PRKAR1B: variants seen among roughly 807,000 people sequenced by gnomAD.
PRKAR1B encodes the protein cAMP-dependent protein kinase type I-beta regulatory subunit.
PRKAR1B carries 22 observed loss-of-function variants against 46.5 expected under a neutral mutation model. The observed-to-expected ratio is 0.47, with a 90% CI of 0.34 to 0.68. The LOEUF (loss-of-function observed/expected upper bound fraction) is 0.68, where lower values mean the gene tolerates loss of function less well. Among genes scored for constraint, PRKAR1B ranks in the 30% least tolerant of loss-of-function variants. The probability of loss-of-function intolerance (pLI) is 0.01; values close to 1 mark genes in which losing one functional copy is unlikely to be tolerated. For synonymous variants in PRKAR1B, 259 were observed against 217.7 expected (o/e 1.19, Z -1.67); for missense variants, 445 against 535.6 (o/e 0.83, Z 1.67).
chr7:685,298 A>ATG (rs1778982905), intron 2 of PRKAR1B, among the ~76,000 whole-genome samples: 1 of 14,800 alleles, frequency 6.8e-5, no homozygotes, highest in African/African-American at 3.3e-4. Context: ...ATGTATACAT[A>ATG]TATATATACG....
At chr7:677,161 G>T in intron 4 of PRKAR1B, 68 bp downstream of exon 4, 2 of 1,488,062 alleles carry the variant, frequency 1.3e-6, no homozygotes, top group Non-Finnish European at 9.4e-7. Context: ...CAAGTGGCGG[G>T]ACCTGCCCAC....
intron 9 of PRKAR1B, among the ~76,000 whole-genome samples, chr7:571,666 G>A (rs374959157): frequency 6.6e-6 from 1 of 152,342 alleles, no homozygotes. Context: ...CCGGCTCCCG[G>A]GGTCCAGCTG....
intron 9 of PRKAR1B, among the ~76,000 whole-genome samples, chr7:564,338 GGCCAGCCTCAACCTCCGCC>G (rs924203053): frequency 7.9e-5 from 12 of 152,252 alleles, no homozygotes; most frequent in East Asian, 1.9e-4. Flanking sequence ...GTGGCTCCGT[GGCCAGCCTCAACCTCCGCC>G]GCCAGCCTCA....
At chr7:727,368 C>G, upstream of PRKAR1B, 9 of 1,055,602 alleles carry the variant, frequency 8.5e-6, no homozygotes, top group Non-Finnish European at 1.1e-5. Context: ...TCACCCCCAC[C>G]TCCACCTCCG....
chr7:565,535 A>T (rs957258699), intron 9 of PRKAR1B: 3 of 152,242 alleles, frequency 2.0e-5, no homozygotes, highest in African/African-American at 7.2e-5. Context: ...GAGGCTATAA[A>T]TATACGCCGG....
chr7:571,180 G>A (rs1203799716), intron 9 of PRKAR1B, among the ~76,000 whole-genome samples: 4 of 152,076 alleles, frequency 2.6e-5, no homozygotes, highest in Admixed American at 6.5e-5. Context: ...AAGCAGCAAC[G>A]CTTCAAAATG....
intron 6 of PRKAR1B, among the ~76,000 whole-genome samples, chr7:597,478 A>C (rs1245562214): frequency 6.6e-6 from 1 of 152,116 alleles, no homozygotes; most frequent in Non-Finnish European, 1.5e-5. Flanking sequence ...TCCTGGAGGG[A>C]GGCTGGAGCA....
In PRKAR1B at chr7:660,435, G is replaced by T. The variant is rs193060779; in HGVS notation, c.440+16794C>A. ...ACCTACTCTCCCCCCAGTGCCACAG[G>T]CTCCCCACCCCAACGGGTCCAAATA... On this transcript the variant is annotated intron_variant, in intron 4 of 10. Coordinates refer to ENST00000537384, the MANE Select transcript of PRKAR1B (RefSeq NM_001164760.2). Among the ~76,000 whole-genome samples the T allele has an allele frequency of 4.8e-3, 673 of 140,008 alleles. 2 individuals are homozygous for T. The highest frequency in any genetic ancestry group is 0.017 in the Middle Eastern group (4 of 230). The allele number at this position is 140,008 out of a possible 152,430, so 91.9% of individuals were successfully genotyped here. A position where few individuals can be genotyped will look rare whatever the true frequency, so the allele number is the denominator to read the frequency against.
chr7:577,318 G>A (rs767313246), intron 9 of PRKAR1B, among the ~76,000 whole-genome samples: 6 of 152,200 alleles, frequency 3.9e-5, no homozygotes, highest in Admixed American at 6.5e-5. Context: ...AATGATCCTC[G>A]TCACTGCCCA....
At chr7:608,078 TG>T in intron 4 of PRKAR1B, 1 of 152,606 alleles carries the variant, frequency 6.6e-6, no homozygotes, top group Non-Finnish European at 1.5e-5. Context: ...CCAAGGGGCA[TG>T]GGGGAGCTGG....
At chr7:591,495 C>T (rs923458351) in intron 7 of PRKAR1B, among the ~76,000 whole-genome samples, 3 of 152,216 alleles carry the variant, frequency 2.0e-5, no homozygotes, top group Admixed American at 1.3e-4. Flanking sequence ...GCCTGGGTCC[C>T]GGCCTCAGCT....
chr7:698,163 G>C (rs572072682), intron 2 of PRKAR1B, among the ~76,000 whole-genome samples: 217 of 152,026 alleles, frequency 1.4e-3, no homozygotes, highest in African/African-American at 5.0e-3. Flanking sequence ...CCAGCACTTC[G>C]GGAGGCCAAG....
At chr7:632,454 C>T (rs1783810744) in intron 4 of PRKAR1B, among the ~76,000 whole-genome samples, 1 of 152,236 alleles carries the variant, frequency 6.6e-6, no homozygotes, top group African/African-American at 2.4e-5. Flanking sequence ...TCCCACTGCC[C>T]CTGGCTCAGC....
intron 4 of PRKAR1B, among the ~76,000 whole-genome samples, chr7:635,360 A>G (rs1190177206): frequency 6.6e-6 from 1 of 152,216 alleles, no homozygotes; most frequent in Non-Finnish European, 1.5e-5. Context: ...GCGCCCAGGC[A>G]GACTGTGGCA....
intron 4 of PRKAR1B, among the ~76,000 whole-genome samples, chr7:610,360 C>A (rs1350889199): frequency 6.6e-6 from 1 of 152,182 alleles, no homozygotes; most frequent in African/African-American, 2.4e-5. Flanking sequence ...GGTGCCTGGG[C>A]GTGGCCCCGC....
At chr7:584,441 A>G in intron 8 of PRKAR1B, 67 bp downstream of exon 8, 1 of 1,401,082 alleles carries the variant, frequency 7.1e-7, no homozygotes. Context: ...AATGGGGAAG[A>G]GGCCGGGGTG....
intron 4 of PRKAR1B, among the ~76,000 whole-genome samples, chr7:641,397 C>T (rs960368347): frequency 3.3e-5 from 5 of 152,208 alleles, no homozygotes; most frequent in African/African-American, 1.2e-4. Flanking sequence ...AAACAGAAAA[C>T]AACACAAATG....
intron 2 of PRKAR1B, among the ~76,000 whole-genome samples, chr7:693,653 C>T (rs777883660): frequency 5.9e-5 from 9 of 152,250 alleles, no homozygotes; most frequent in African/African-American, 1.2e-4. Context: ...CTCGAGCTGA[C>T]GGACGTGCGA....
At chr7:692,388 G>A (rs560168955) in intron 2 of PRKAR1B, among the ~76,000 whole-genome samples, 24 of 152,230 alleles carry the variant, frequency 1.6e-4, no homozygotes, top group East Asian at 5.8e-4. Context: ...CAACAAGGGC[G>A]AAGCTCTGTC....
Sources: gnomAD v4.1 joint callset for allele counts (sites outside exome capture counted in the v4.1 genomes callset) on GRCh38, gnomAD v4.1.1 for gene constraint, MANE v1.5 for transcripts, NCBI Gene and HGNC (gene_info 2026-07-23, HGNC 2026-07-21) for gene names.